Variants in CHD2 observed in about 807,000 individuals in gnomAD.
CHD2 encodes ATP-dependent chromatin remodeler CHD2.
Under a neutral mutation model 243.9 loss-of-function variants are expected in CHD2, and 28 were observed. That is an observed-to-expected ratio of 0.11 (90% CI 0.09 to 0.16). CHD2 has a LOEUF of 0.16. Among genes scored for constraint, CHD2 ranks in the 10% least tolerant of loss-of-function variants. CHD2 has a pLI of 1.00. For synonymous variants in CHD2, 775 were observed against 779.0 expected (o/e 0.99, Z 0.09); for missense variants, 1,386 against 2,209.8 (o/e 0.63, Z 7.47).
Position 92,996,181 on chromosome 15 carries a change from A to G in CHD2, c.3596-776A>G, listed in dbSNP as rs528511828. Reference sequence around the variant, plus strand: ...GTTTCTTTTTTTTTTTTTTTTTGAGATGGAGTCTCGCTCCATCTCCAAGGC... The same window carrying G: ...GTTTCTTTTTTTTTTTTTTTTTGAGGTGGAGTCTCGCTCCATCTCCAAGGC... On this transcript the variant is annotated intron_variant, in intron 28 of 38. Transcript: ENST00000394196. Among the ~76,000 whole-genome samples, 99 of 126,470 alleles carry G rather than the reference A, an allele frequency of 7.8e-4. 1 individual carries two copies. The highest frequency in any genetic ancestry group is 2.8e-3 in the African/African-American group (92 of 32,400). 83.0% of individuals were successfully genotyped at this position (126,470 alleles called of 152,430 possible). A position where few individuals can be genotyped will look rare whatever the true frequency, so the allele number is the denominator to read the frequency against.
At chr15:92,984,886 G>A (rs924053776) in intron 25 of CHD2, among the ~76,000 whole-genome samples, 1 of 152,176 alleles carries the variant, frequency 6.6e-6, no homozygotes, top group Non-Finnish European at 1.5e-5. Flanking sequence ...CTTAGTAAAG[G>A]ATTATATAAC....
In CHD2 at chr15:92,942,070, T is replaced by C. The variant is rs2272462; in HGVS notation, c.826+115T>C. The C allele has an allele frequency of 9.6e-4, 947 of 984,162 alleles. 24 individuals carry two copies. The East Asian group carries it at 0.021, about 22-fold the overall frequency. The allele number at this position is 984,162 out of a possible 1,614,324, so 61.0% of individuals were successfully genotyped here. On this transcript the variant is annotated intron_variant, in intron 8 of 38. Coordinates refer to ENST00000394196, the MANE Select transcript of CHD2 (RefSeq NM_001271.4). ...GTCTACTGCTGTATTTGTTGTGATA[T>C]GTAGAAGTCTTTCTGACCCAGTGTT... is the stretch of plus-strand genomic sequence containing the variant.
intron 28 of CHD2, among the ~76,000 whole-genome samples, chr15:92,996,240 A>G (rs1269913189): frequency 1.4e-5 from 2 of 146,978 alleles, no homozygotes; most frequent in African/African-American, 5.1e-5. Context: ...GCTCACTGCA[A>G]GCTCTGCCTC....
At chr15:92,988,363 G>C (rs1329217949) in intron 26 of CHD2, among the ~76,000 whole-genome samples, 3 of 152,210 alleles carry the variant, frequency 2.0e-5, no homozygotes, top group Non-Finnish European at 4.4e-5. Flanking sequence ...GGGATTAGAA[G>C]CGTGAGCCAC....
intron 13 of CHD2, 148 bp downstream of exon 13, chr15:92,949,224 A>G: frequency 6.8e-7 from 1 of 1,464,100 alleles, no homozygotes; most frequent in Non-Finnish European, 8.9e-7. Context: ...ATAAAAGATG[A>G]TTGAGAGAAA....
intron 31 of CHD2, 137 bp from the exon 32 acceptor site, chr15:93,000,375 G>T (rs2054239274): frequency 1.2e-6 from 1 of 864,920 alleles, no homozygotes; most frequent in East Asian, 2.7e-5. Context: ...AAAATGAGTT[G>T]CACTCTTTTG....
intron 28 of CHD2, among the ~76,000 whole-genome samples, chr15:92,995,412 C>A (rs765263222): frequency 1.3e-5 from 2 of 152,262 alleles, no homozygotes; most frequent in Non-Finnish European, 1.5e-5. Flanking sequence ...GCTGCCTTCT[C>A]TTCCTCCTTA....
Position 93,027,521 on chromosome 15 carries a change from A to G in CHD2, c.*2816A>G, listed in dbSNP as rs2141764989. On this transcript the variant is annotated 3_prime_UTR_variant, in exon 39 of 39. Transcript: ENST00000394196. ...CTCAGCCCTTCGAAGGGAAGCCCAA[A>G]CACTTTGCACGCTGTGCTGCAGACA... The G allele has an allele frequency of 6.6e-6, 1 of 152,596 alleles. No individual in the cohort carries two copies. The highest frequency in any genetic ancestry group is 1.9e-4 in the East Asian group (1 of 5,192). 9.5% of individuals were successfully genotyped at this position (152,596 alleles called of 1,614,324 possible).
chr15:93,002,203 GA>G lies in CHD2; in HGVS notation c.4173del (p.Lys1391AsnfsTer15), dbSNP rs749969667. ...ATGATGGCTTGGAAAAAAGTCCAAT[GA>G]AAAAAAAACAGAAGAAGAAAGAGAA... ...KDDGLEKSPM[K>X]KKQKKKENKE... On this transcript the variant is annotated frameshift_variant, in exon 33 of 39. Transcript: ENST00000394196. LOFTEE classifies it high-confidence loss of function. 19 of 1,537,630 alleles carry G rather than the reference GA, an allele frequency of 1.2e-5. No homozygotes were observed. The Admixed American group carries it at 1.4e-4, about 11-fold the overall frequency.
chr15:92,948,766 G>A (rs2053511101), intron 12 of CHD2, among the ~76,000 whole-genome samples, 186 bp from the exon 13 acceptor site: 1 of 152,178 alleles, frequency 6.6e-6, no homozygotes, highest in Admixed American at 6.5e-5. Flanking sequence ...GTGAACCCGG[G>A]AGGCAGAGCT....
intron 20 of CHD2, among the ~76,000 whole-genome samples, chr15:92,976,583 G>GAT (rs2053911426): frequency 6.6e-6 from 1 of 150,992 alleles, no homozygotes; most frequent in South Asian, 2.1e-4. Flanking sequence ...GGGAGGCCAA[G>GAT]ATGGGGGAGG....
chr15:92,911,763 A>AT (rs1214622643), intron 2 of CHD2, among the ~76,000 whole-genome samples: 2 of 152,136 alleles, frequency 1.3e-5, no homozygotes, highest in Non-Finnish European at 2.9e-5. Flanking sequence ...AAAAATCAAC[A>AT]TCAACAAAAA....
intron 26 of CHD2, among the ~76,000 whole-genome samples, chr15:92,990,590 C>G (rs1418435149): frequency 2.6e-5 from 4 of 152,166 alleles, no homozygotes; most frequent in Non-Finnish European, 5.9e-5. Flanking sequence ...AGGTTTTGTT[C>G]ATATATAATA....
rs114901994 is a variant in CHD2, at chr15:92,904,444, A to G, written c.62+3145A>G. Reference sequence around the variant, plus strand: ...CGCAGTGACGTCTGGCCGCGTGCGCATGTCGGGCGCTTTCTCCTCCCCCTA... The same window carrying G: ...CGCAGTGACGTCTGGCCGCGTGCGCGTGTCGGGCGCTTTCTCCTCCCCCTA... On this transcript the variant is annotated intron_variant, in intron 2 of 38. Coordinates refer to ENST00000394196, the MANE Select transcript of CHD2 (RefSeq NM_001271.4). The G allele has an allele frequency of 6.6e-3, 6,511 of 988,206 alleles. 279 individuals are homozygous for G. In the African/African-American group the frequency reaches 0.1, roughly 16 times the overall value. The allele number at this position is 988,206 out of a possible 1,614,324, so 61.2% of individuals were successfully genotyped here. A position where few individuals can be genotyped will look rare whatever the true frequency, so the allele number is the denominator to read the frequency against.
At chr15:92,903,573 A>G (rs1026013682) in intron 2 of CHD2, among the ~76,000 whole-genome samples, 1 of 152,214 alleles carries the variant, frequency 6.6e-6, no homozygotes, top group Non-Finnish European at 1.5e-5. Flanking sequence ...TAAAAACTTT[A>G]AAAAACGCGA....
At chr15:92,912,839 T>G (rs4778058) in intron 2 of CHD2, among the ~76,000 whole-genome samples, 1 of 152,128 alleles carries the variant, frequency 6.6e-6, no homozygotes, top group South Asian at 2.1e-4. Context: ...CGTGAGCCAC[T>G]GCGCCAGGCC....
chr15:92,969,613 A>G (rs997229915), intron 17 of CHD2, among the ~76,000 whole-genome samples: 7 of 152,226 alleles, frequency 4.6e-5, no homozygotes, highest in African/African-American at 1.7e-4. Flanking sequence ...TGCAACAAAC[A>G]TGGACAGAAT....
chr15:92,936,785 A>T (rs1009746079), intron 5 of CHD2, among the ~76,000 whole-genome samples: 2 of 151,980 alleles, frequency 1.3e-5, no homozygotes, highest in Non-Finnish European at 2.9e-5. Context: ...CATATTTTTT[A>T]GGCCTCAACT....
intron 2 of CHD2, among the ~76,000 whole-genome samples, chr15:92,920,470 T>A (rs1467406964): frequency 1.3e-5 from 2 of 152,224 alleles, no homozygotes; most frequent in African/African-American, 4.8e-5. Context: ...TATAGACATA[T>A]CCTGATGCGG....
Sources: allele counts gnomAD v4.1 joint callset (sites outside exome capture counted in the v4.1 genomes callset), GRCh38; gene constraint gnomAD v4.1.1; transcripts MANE v1.5; gene names NCBI Gene and HGNC (gene_info 2026-07-23, HGNC 2026-07-21).